Variants in HCN1 observed in about 807,000 individuals in gnomAD.
The protein encoded by HCN1 is potassium/sodium hyperpolarization-activated cyclic nucleotide-gated channel 1.
In HCN1, 13 loss-of-function variants were observed where a neutral mutation model predicts 78.9. The ratio of observed to expected loss-of-function variants is 0.16; its 90% CI spans 0.11 to 0.26. The LOEUF is 0.26. Among genes scored for constraint, HCN1 ranks in the 10% least tolerant of loss-of-function variants. The probability of loss-of-function intolerance (pLI) is 1.00; values close to 1 mark genes in which losing one functional copy is unlikely to be tolerated. For synonymous variants in HCN1, 552 were observed against 455.5 expected (o/e 1.21, Z -2.70); for missense variants, 810 against 1,154.3 (o/e 0.70, Z 4.32).
chr5:45,477,683 A>G (rs1741547785), intron 2 of HCN1, among the ~76,000 whole-genome samples: 1 of 152,190 alleles, frequency 6.6e-6, no homozygotes, highest in African/African-American at 2.4e-5. Flanking sequence ...GTTAAATAAC[A>G]TAAGTAATGT....
intron 2 of HCN1, among the ~76,000 whole-genome samples, chr5:45,530,427 T>C (rs991321431): frequency 3.3e-5 from 5 of 150,034 alleles, no homozygotes; most frequent in Admixed American, 6.6e-5. Flanking sequence ...TATATATATA[T>C]ACATATATAG....
chr5:45,401,613 A>AT (rs949377238), intron 3 of HCN1, among the ~76,000 whole-genome samples: 1 of 149,228 alleles, frequency 6.7e-6, no homozygotes, highest in Non-Finnish European at 1.5e-5. Flanking sequence ...AGATTATTTT[A>AT]TTTTTTATAT....
intron 1 of HCN1, among the ~76,000 whole-genome samples, chr5:45,689,075 T>C (rs1739859091): frequency 6.6e-6 from 1 of 152,096 alleles, no homozygotes; most frequent in Non-Finnish European, 1.5e-5. Context: ...TGGTGATGGC[T>C]GCATAACTGT....
At chr5:45,343,885 G>A (rs1167931643) in intron 5 of HCN1, among the ~76,000 whole-genome samples, 3 of 151,952 alleles carry the variant, frequency 2.0e-5, no homozygotes, top group Non-Finnish European at 4.4e-5. Context: ...TATATTGGGA[G>A]AGATTCAGGA....
At chr5:45,679,601 A>G (rs1433849961) in intron 1 of HCN1, among the ~76,000 whole-genome samples, 1 of 152,110 alleles carries the variant, frequency 6.6e-6, no homozygotes, top group Non-Finnish European at 1.5e-5. Flanking sequence ...ATTCTAACTC[A>G]GGTGAAGTCA....
chr5:45,492,440 C>A (rs1741905977), intron 2 of HCN1, among the ~76,000 whole-genome samples: 2 of 133,158 alleles, frequency 1.5e-5, no homozygotes, highest in Non-Finnish European at 3.2e-5. Context: ...GAAGTAAAAT[C>A]TTCTTTTCTT....
At chr5:45,666,528 AGACTTGGTC>A (rs1746052508) in intron 1 of HCN1, among the ~76,000 whole-genome samples, 1 of 152,086 alleles carries the variant, frequency 6.6e-6, no homozygotes, top group African/African-American at 2.4e-5. Context: ...AATTACTCTC[AGACTTGGTC>A]AGGTGGCCTA....
intron 2 of HCN1, among the ~76,000 whole-genome samples, chr5:45,635,361 CAAAA>C (rs1561227529): frequency 1.3e-4 from 19 of 151,966 alleles, no homozygotes; most frequent in Non-Finnish European, 2.6e-4. Context: ...ACAAAAAGAG[CAAAA>C]TTGAAATAAT....
At chr5:45,607,615 A>G in intron 2 of HCN1, among the ~76,000 whole-genome samples, 2 of 149,970 alleles carry the variant, frequency 1.3e-5, no homozygotes, top group Middle Eastern at 7.0e-3. Context: ...AGATCCAGAT[A>G]TATCTAGATA....
At chr5:45,671,181 G>C (rs955060977) in intron 1 of HCN1, among the ~76,000 whole-genome samples, 1 of 151,340 alleles carries the variant, frequency 6.6e-6, no homozygotes, top group African/African-American at 2.4e-5. Flanking sequence ...TATCATCGAT[G>C]TTCTGTCCTG....
intron 1 of HCN1, among the ~76,000 whole-genome samples, chr5:45,665,862 T>C (rs1746038531): frequency 6.6e-6 from 1 of 152,078 alleles, no homozygotes; most frequent in Non-Finnish European, 1.5e-5. Flanking sequence ...TTCTACCTAA[T>C]CTCTCTAATT....
At chr5:45,357,814 T>C (rs971546402) in intron 4 of HCN1, among the ~76,000 whole-genome samples, 5 of 152,044 alleles carry the variant, frequency 3.3e-5, no homozygotes, top group Non-Finnish European at 5.9e-5. Flanking sequence ...AGGTGGGACC[T>C]ATTGGAAAGT....
chr5:45,373,207 T>C (rs1242529234), intron 4 of HCN1, among the ~76,000 whole-genome samples: 3 of 122,306 alleles, frequency 2.5e-5, no homozygotes, highest in East Asian at 2.2e-4. Context: ...ATATATTTTA[T>C]ATATGTTATA....
At chr5:45,497,353 C>T (rs2111720445) in intron 2 of HCN1, among the ~76,000 whole-genome samples, 1 of 152,214 alleles carries the variant, frequency 6.6e-6, no homozygotes, top group Middle Eastern at 3.4e-3. Context: ...CTTTGCAGGT[C>T]ACTCAGGACT....
At chr5:45,417,768 A>AC (rs1184549420) in intron 3 of HCN1, among the ~76,000 whole-genome samples, 12 of 150,036 alleles carry the variant, frequency 8.0e-5, no homozygotes, top group African/African-American at 2.4e-4. Flanking sequence ...AAAAAAAAAA[A>AC]AAAAAAAAAC....
chr5:45,354,548 T>C (rs1407385582), intron 4 of HCN1, among the ~76,000 whole-genome samples: 3 of 152,104 alleles, frequency 2.0e-5, no homozygotes, highest in Non-Finnish European at 4.4e-5. Flanking sequence ...TACTTGGTAA[T>C]TGATAATAGA....
chr5:45,655,944 C>T (rs1361654479), intron 1 of HCN1, among the ~76,000 whole-genome samples: 2 of 152,120 alleles, frequency 1.3e-5, no homozygotes, highest in Non-Finnish European at 2.9e-5. Flanking sequence ...CAAATAGTTA[C>T]ATTATAATAA....
At chr5:45,522,993 G>A (rs1742646024) in intron 2 of HCN1, among the ~76,000 whole-genome samples, 1 of 151,728 alleles carries the variant, frequency 6.6e-6, no homozygotes, top group Non-Finnish European at 1.5e-5. Context: ...TATCTCCTAA[G>A]GCCATCCCTC....
intron 3 of HCN1, among the ~76,000 whole-genome samples, chr5:45,457,341 T>C (rs1741048531): frequency 6.6e-6 from 1 of 152,148 alleles, no homozygotes; most frequent in Non-Finnish European, 1.5e-5. Context: ...TTATAATGAT[T>C]TAATATAATT....
Sources: gnomAD v4.1 joint callset for allele counts (sites outside exome capture counted in the v4.1 genomes callset) on GRCh38, gnomAD v4.1.1 for gene constraint, MANE v1.5 for transcripts, NCBI Gene and HGNC (gene_info 2026-07-23, HGNC 2026-07-21) for gene names.